Variants in ATRNL1 observed in about 807,000 individuals in gnomAD.
The protein encoded by ATRNL1 is attractin-like protein 1.
Under a neutral mutation model 182.7 loss-of-function variants are expected in ATRNL1, and 95 were observed. The observed-to-expected ratio is 0.52, with a 90% CI of 0.44 to 0.62. The LOEUF is 0.62. ATRNL1 is among the 20% of genes least tolerant of loss of function. The probability of loss-of-function intolerance (pLI) is 0.00; values close to 1 mark genes in which losing one functional copy is unlikely to be tolerated. For synonymous variants in ATRNL1, 576 were observed against 568.3 expected, an observed-to-expected ratio of 1.01 and a Z score of -0.19; for missense variants, 1,471 against 1,679.5, an observed-to-expected ratio of 0.88 and a Z score of 2.17.
intron 26 of ATRNL1, among the ~76,000 whole-genome samples, chr10:115,654,559 G>T (rs2133888652): frequency 6.6e-6 from 1 of 152,154 alleles, no homozygotes; most frequent in East Asian, 1.9e-4. Flanking sequence ...AATGTTACCT[G>T]GGAAACTGTT....
At chr10:115,646,937 TC>T (rs1324542668) in intron 26 of ATRNL1, among the ~76,000 whole-genome samples, 3 of 59,634 alleles carry the variant, frequency 5.0e-5, no homozygotes, top group East Asian at 5.9e-4. Context: ...ATGCTAGCCC[TC>T]CCCCCTCCCC....
At position 115,467,205 on chromosome 10, in the gene ATRNL1, C is replaced by G. The variant is rs570037446; in HGVS notation, c.3449C>G (p.Ala1150Gly). Residue 1150 changes from alanine to glycine, a missense_variant, in exon 23 of 29, where the codon GCA (alanine) becomes GGA (glycine). By Grantham distance (60) the Ala-to-Gly change is moderately conservative. Transcript: ENST00000355044. ...SNKNLDISINASNNFNLNITW... is the reference protein window; with the variant it reads ...SNKNLDISINGSNNFNLNITW... ...AAAAATCTGGATATATCAATTAATG[C>G]ATCAAACAACTTTAATCTCAACATT... 1 of 1,604,382 alleles carries G rather than the reference C, an allele frequency of 6.2e-7. No individual in the cohort carries two copies. The highest frequency in any genetic ancestry group is 1.7e-5 in the Admixed American group (1 of 59,084).
intron 13 of ATRNL1, among the ~76,000 whole-genome samples, chr10:115,277,709 T>G (rs2133914785): frequency 6.6e-6 from 1 of 152,096 alleles, no homozygotes; most frequent in African/African-American, 2.4e-5. Flanking sequence ...ATGAGTTAGG[T>G]TTTATCATAG....
At position 115,156,497 on chromosome 10, in the gene ATRNL1, A is replaced by G. The variant is rs144917841; in HGVS notation, c.830-3543A>G. Among the ~76,000 whole-genome samples, 1,277 of 152,254 alleles carry G rather than the reference A, an allele frequency of 8.4e-3. 16 individuals are homozygous for G. The highest frequency in any genetic ancestry group is 0.026 in the African/African-American group (1,062 of 41,546). On this transcript the variant is annotated intron_variant, in intron 5 of 28. Transcript: ENST00000355044. The stretch of plus-strand genomic sequence containing the variant: ...CATGAGAGATTGTGGGGCTGGACAT[A>G]TACATTTGGGATATATCAGAGCACA...
chr10:115,943,161 T>TTTGTACATA (rs1215498410), intron 28 of ATRNL1, among the ~76,000 whole-genome samples: 1 of 152,240 alleles, frequency 6.6e-6, no homozygotes, highest in African/African-American at 2.4e-5. Context: ...TCCATGTCCA[T>TTTGTACATA]TTGTACATAG....
At chr10:115,842,704 G>C (rs1198206809) in intron 27 of ATRNL1, among the ~76,000 whole-genome samples, 1 of 152,022 alleles carries the variant, frequency 6.6e-6, no homozygotes, top group Non-Finnish European at 1.5e-5. Flanking sequence ...CAGAATGAGA[G>C]ACTCCTTAGC....
chr10:115,385,176 T>C (rs1304007531), intron 19 of ATRNL1, among the ~76,000 whole-genome samples: 1 of 152,138 alleles, frequency 6.6e-6, no homozygotes, highest in Non-Finnish European at 1.5e-5. Context: ...CAGAAATTTA[T>C]GAGGATTTTA....
chr10:115,351,976 T>C (rs2134126446), intron 19 of ATRNL1, among the ~76,000 whole-genome samples: 1 of 152,272 alleles, frequency 6.6e-6, no homozygotes, highest in African/African-American at 2.4e-5. Context: ...GTCTTTATTA[T>C]TGTTTCTGTT....
chr10:115,468,446 GGTTA>G, intron 23 of ATRNL1, among the ~76,000 whole-genome samples: 1 of 150,592 alleles, frequency 6.6e-6, no homozygotes, highest in Non-Finnish European at 1.5e-5. Context: ...TGGAATAAGT[GGTTA>G]GTTAAAAATT....
At chr10:115,109,373 T>C (rs1033166141) in intron 1 of ATRNL1, among the ~76,000 whole-genome samples, 50 of 152,146 alleles carry the variant, frequency 3.3e-4, no homozygotes, top group African/African-American at 1.2e-3. Flanking sequence ...AGGCCAAGAT[T>C]GAGGGGCCAG....
chr10:115,374,489 T>TTCCTTCCTTCCTTCCTTCC (rs1333570942), intron 19 of ATRNL1, among the ~76,000 whole-genome samples: 106 of 96,586 alleles, frequency 1.1e-3, no homozygotes, highest in African/African-American at 4.4e-3. Flanking sequence ...TCCTTCCTTC[T>TTCCTTCCTTCCTTCCTTCC]TTCCTTCCTT....
chr10:115,137,018 C>T (rs76588149), intron 5 of ATRNL1, among the ~76,000 whole-genome samples: 1,770 of 152,230 alleles, frequency 0.012, 33 homozygotes, highest in African/African-American at 0.039. Flanking sequence ...AATTCATGTT[C>T]ATGTGTAAAG....
intron 21 of ATRNL1, among the ~76,000 whole-genome samples, chr10:115,428,460 C>G (rs1846003541): frequency 6.6e-6 from 1 of 151,866 alleles, no homozygotes; most frequent in Non-Finnish European, 1.5e-5. Context: ...GTATTATTGT[C>G]TTGTTTCTGA....
Position 115,099,727 on chromosome 10 carries a change from A to G in ATRNL1, c.293+5684A>G, listed in dbSNP as rs1022611290. ...TCTCATGTGCTTACTTGCCATCCGT[A>G]TATCTTCTGTAATAGGCATTTATTC... On this transcript the variant is annotated intron_variant, in intron 1 of 28. Coordinates refer to ENST00000355044, the MANE Select transcript of ATRNL1 (RefSeq NM_207303.4). 2.6e-5 allele frequency among the ~76,000 whole-genome samples: 4 copies of G among 152,278 alleles called. No individual in the cohort carries two copies. The East Asian group carries it at 7.7e-4, about 29-fold the overall frequency.
At chr10:115,891,436 G>A (rs1188925111) in intron 28 of ATRNL1, among the ~76,000 whole-genome samples, 2 of 152,110 alleles carry the variant, frequency 1.3e-5, no homozygotes, top group African/African-American at 2.4e-5. Flanking sequence ...AAATAAATAA[G>A]GGGATACTTA....
intron 28 of ATRNL1, among the ~76,000 whole-genome samples, chr10:115,884,480 C>T (rs1356391915): frequency 1.3e-5 from 2 of 152,156 alleles, no homozygotes; most frequent in East Asian, 3.9e-4. Flanking sequence ...CCGCTTCTTC[C>T]TAATTATGTC....
intron 19 of ATRNL1, among the ~76,000 whole-genome samples, chr10:115,344,572 A>T (rs1554939233): frequency 6.6e-6 from 1 of 152,104 alleles, no homozygotes. Context: ...GTGCCATCCA[A>T]GAGTTAAGTC....
intron 24 of ATRNL1, among the ~76,000 whole-genome samples, chr10:115,476,073 A>G (rs1251242870): frequency 2.0e-5 from 3 of 151,358 alleles, no homozygotes; most frequent in South Asian, 4.1e-4. Context: ...ATTAACCTGT[A>G]TGCAGTGCTT....
At chr10:115,500,988 G>A (rs1849805639) in intron 24 of ATRNL1, among the ~76,000 whole-genome samples, 1 of 137,750 alleles carries the variant, frequency 7.3e-6, no homozygotes, top group South Asian at 2.3e-4. Flanking sequence ...GAGTGCAATG[G>A]TGCGAGCTCC....
Sources: allele counts gnomAD v4.1 joint callset (sites outside exome capture counted in the v4.1 genomes callset), GRCh38; gene constraint gnomAD v4.1.1; transcripts MANE v1.5; gene names NCBI Gene and HGNC (gene_info 2026-07-23, HGNC 2026-07-21).